The following CNTN6 variants were observed in gnomAD, a reference collection of about 807,000 sequenced individuals.
CNTN6 encodes contactin-6.
CNTN6 carries 137 observed loss-of-function variants against 122.8 expected under a neutral mutation model. The observed-to-expected ratio is 1.12, with a 90% CI of 0.97 to 1.29. The LOEUF is 1.29. Among genes scored for constraint, CNTN6 ranks in the 50% most tolerant of loss-of-function variants. The pLI, the probability that CNTN6 is intolerant of heterozygous loss-of-function variation, is 0.00. For missense variants in CNTN6, 1,634 were observed against 1,223.4 expected (o/e 1.34, Z -5.01); for synonymous variants, 570 against 426.0 (o/e 1.34, Z -4.16).
intron 5 of CNTN6, among the ~76,000 whole-genome samples, chr3:1,292,406 T>G (rs1297924694): frequency 1.3e-5 from 2 of 152,132 alleles, no homozygotes; most frequent in African/African-American, 4.8e-5. Context: ...TATTTTTAAT[T>G]CCTCTTTCAA....
At chr3:1,384,124 AGCTCTAAAGATCT>A (rs1346073561) in intron 19 of CNTN6, among the ~76,000 whole-genome samples, 1 of 152,248 alleles carries the variant, frequency 6.6e-6, no homozygotes, top group Admixed American at 6.5e-5. Flanking sequence ...AAGATGAGTA[AGCTCTAAAGATCT>A]GCTGTACAAC....
At chr3:1,312,477 A>G (rs547746042) in intron 7 of CNTN6, among the ~76,000 whole-genome samples, 2 of 152,182 alleles carry the variant, frequency 1.3e-5, no homozygotes, top group African/African-American at 4.8e-5. Context: ...AACTGGGCTC[A>G]GGAAAAATAA....
chr3:1,345,608 TATA>T (rs1246607449), intron 11 of CNTN6, among the ~76,000 whole-genome samples: 3 of 152,046 alleles, frequency 2.0e-5, no homozygotes, highest in Admixed American at 2.0e-4. Flanking sequence ...ACACATTAAC[TATA>T]ATAATTGGGT....
intron 2 of CNTN6, among the ~76,000 whole-genome samples, chr3:1,201,296 C>T (rs970482227): frequency 6.6e-6 from 1 of 152,066 alleles, no homozygotes; most frequent in Non-Finnish European, 1.5e-5. Flanking sequence ...TAAAAGAATC[C>T]ATTTGCTCTT....
chr3:1,402,788 A>G (rs781423782), intron 22 of CNTN6: 1 of 249,732 alleles, frequency 4.0e-6, no homozygotes, highest in Non-Finnish European at 7.7e-6. Context: ...AAGATTTTTC[A>G]TAGATTCTTT....
chr3:1,236,253 C>T (rs1449439547), intron 4 of CNTN6, among the ~76,000 whole-genome samples: 3 of 152,102 alleles, frequency 2.0e-5, no homozygotes, highest in South Asian at 2.1e-4. Context: ...ACTCCCGAAG[C>T]GCCATCTCCT....
chr3:1,093,489 C>T lies in CNTN6; in HGVS notation c.-83+369C>T, dbSNP rs569925998. On this transcript the variant is annotated intron_variant, in intron 1 of 22. Transcript: ENST00000446702. ...AGATGGCTACACGCCCTTTCTGTAA[C>T]GGCAGATGGGAAAATGTGATCGCTA... 6.0e-5 allele frequency among the ~76,000 whole-genome samples: 9 copies of T among 150,406 alleles called. No individual in the cohort carries two copies. The South Asian group carries it at 8.4e-4, about 14-fold the overall frequency.
chr3:1,308,655 C>G (rs1267844018), intron 7 of CNTN6, among the ~76,000 whole-genome samples: 2 of 151,960 alleles, frequency 1.3e-5, no homozygotes, highest in African/African-American at 4.8e-5. Context: ...TAATCCATTA[C>G]CACATGGATC....
At chr3:1,125,458 G>A (rs1343572331) in intron 1 of CNTN6, among the ~76,000 whole-genome samples, 3 of 151,824 alleles carry the variant, frequency 2.0e-5, no homozygotes, top group East Asian at 3.9e-4. Context: ...GGTGTTCCCT[G>A]GCAGTGCCCA....
chr3:1,379,211 A>G (rs1710310686), intron 17 of CNTN6, among the ~76,000 whole-genome samples: 1 of 152,148 alleles, frequency 6.6e-6, no homozygotes, highest in African/African-American at 2.4e-5. Flanking sequence ...TCCACGATTT[A>G]TAATGTTCTT....
chr3:1,322,983 A>G (rs1241070564), intron 8 of CNTN6, among the ~76,000 whole-genome samples: 1 of 151,734 alleles, frequency 6.6e-6, no homozygotes, highest in African/African-American at 2.4e-5. Context: ...GAATGAAGAT[A>G]TTGAATGCTT....
intron 19 of CNTN6, among the ~76,000 whole-genome samples, chr3:1,383,979 TTCAG>T (rs1357393317): frequency 2.0e-5 from 3 of 152,212 alleles, no homozygotes; most frequent in Non-Finnish European, 4.4e-5. Context: ...TCTTCCCTGT[TTCAG>T]TCAGTCTTCA....
Position 1,202,410 on chromosome 3 carries a change from G to A in CNTN6, c.56-18277G>A, listed in dbSNP as rs553165678. Among the ~76,000 whole-genome samples the A allele has an allele frequency of 5.0e-3, 604 of 120,744 alleles. 2 individuals are homozygous for A. The highest frequency in any genetic ancestry group is 0.017 in the African/African-American group (578 of 33,974). 79.2% of individuals were successfully genotyped at this position (120,744 alleles called of 152,430 possible). A position where few individuals can be genotyped will look rare whatever the true frequency, so the allele number is the denominator to read the frequency against. On this transcript the variant is annotated intron_variant, in intron 2 of 22. Transcript: ENST00000446702. ...AAGAAATCAGCCGGGCGTGGTGGCG[G>A]GCGCCTGTAGTCCCAGCTACTCGGG... is the stretch of plus-strand genomic sequence containing the variant.
At chr3:1,118,006 C>A (rs1406748440) in intron 1 of CNTN6, among the ~76,000 whole-genome samples, 1 of 152,120 alleles carries the variant, frequency 6.6e-6, no homozygotes, top group East Asian at 1.9e-4. Context: ...TAATCACTTC[C>A]CAAATAAGCC....
intron 1 of CNTN6, among the ~76,000 whole-genome samples, chr3:1,121,757 G>C (rs1032822370): frequency 1.3e-5 from 2 of 151,916 alleles, no homozygotes; most frequent in African/African-American, 2.4e-5. Flanking sequence ...GTGATGGATA[G>C]TAAGACCATC....
intron 4 of CNTN6, among the ~76,000 whole-genome samples, chr3:1,228,695 G>A (rs1445279578): frequency 6.6e-6 from 1 of 152,130 alleles, no homozygotes; most frequent in African/African-American, 2.4e-5. Context: ...TTCTCCCTTT[G>A]CACCAACCAT....
chr3:1,257,707 C>T (rs1051189640), intron 4 of CNTN6, among the ~76,000 whole-genome samples: 1 of 152,154 alleles, frequency 6.6e-6, no homozygotes, highest in African/African-American at 2.4e-5. Flanking sequence ...TTTCCCTTCA[C>T]ACCCCTCCCG....
intron 1 of CNTN6, among the ~76,000 whole-genome samples, chr3:1,094,261 T>C (rs1574802271): frequency 6.6e-6 from 1 of 152,168 alleles, no homozygotes; most frequent in East Asian, 1.9e-4. Flanking sequence ...TTAAGCAGAC[T>C]CTTTTTCCCT....
At chr3:1,314,789 C>T (rs1040641313) in intron 7 of CNTN6, among the ~76,000 whole-genome samples, 1 of 151,868 alleles carries the variant, frequency 6.6e-6, no homozygotes, top group African/African-American at 2.4e-5. Context: ...AAAAACTTTG[C>T]TTTTATCATC....
Sources: gnomAD v4.1 joint callset for allele counts (sites outside exome capture counted in the v4.1 genomes callset) on GRCh38, gnomAD v4.1.1 for gene constraint, MANE v1.5 for transcripts, NCBI Gene and HGNC (gene_info 2026-07-23, HGNC 2026-07-21) for gene names.